COL11A1: variants seen among roughly 807,000 people sequenced by gnomAD.
The protein encoded by COL11A1 is collagen alpha-1(XI) chain.
COL11A1 carries 74 observed loss-of-function variants against 265.2 expected under a neutral mutation model. The observed-to-expected ratio is 0.28, with a 90% CI of 0.23 to 0.34. COL11A1 has a LOEUF of 0.34. Among genes scored for constraint, COL11A1 ranks in the 10% least tolerant of loss-of-function variants. The pLI is 1.00. For synonymous variants in COL11A1, 816 were observed against 727.6 expected (o/e 1.12, Z -1.96); for missense variants, 2,165 against 2,263.6 (o/e 0.96, Z 0.88).
At chr1:102,986,175 C>T (rs1015931258) in intron 30 of COL11A1, among the ~76,000 whole-genome samples, 1 of 151,844 alleles carries the variant, frequency 6.6e-6, no homozygotes, top group African/African-American at 2.4e-5. Context: ...AAATGTTCAA[C>T]AATGATAGAC....
intron 5 of COL11A1, among the ~76,000 whole-genome samples, chr1:103,027,264 T>C (rs1667593473): frequency 1.3e-5 from 2 of 150,476 alleles, no homozygotes; most frequent in South Asian, 2.1e-4. Context: ...AATATCTTTA[T>C]AAAAATTTTA....
At chr1:103,059,658 C>A (rs1670509191) in intron 4 of COL11A1, among the ~76,000 whole-genome samples, 1 of 151,826 alleles carries the variant, frequency 6.6e-6, no homozygotes, top group Non-Finnish European at 1.5e-5. Flanking sequence ...CTAATGTAAG[C>A]AGAAAGATGA....
At chr1:102,928,623 C>T (rs192711047) in intron 46 of COL11A1, among the ~76,000 whole-genome samples, 6 of 151,950 alleles carry the variant, frequency 3.9e-5, no homozygotes, top group African/African-American at 1.2e-4. Context: ...AATGGGATAG[C>T]TGGGTCAAAT....
intron 18 of COL11A1, among the ~76,000 whole-genome samples, chr1:103,005,581 G>C (rs1187037578): frequency 6.6e-6 from 1 of 152,088 alleles, no homozygotes; most frequent in East Asian, 1.9e-4. Context: ...ATATTTTCCA[G>C]GTAAATGTAT....
intron 24 of COL11A1, chr1:103,000,933 C>T: frequency 2.7e-6 from 1 of 374,802 alleles, no homozygotes. Context: ...AAATAAGGAG[C>T]AAAGTACTAA....
intron 35 of COL11A1, among the ~76,000 whole-genome samples, chr1:102,976,289 C>CTCTTTTT (rs1662463356): frequency 1.7e-5 from 1 of 58,578 alleles, no homozygotes; most frequent in Non-Finnish European, 3.2e-5. Context: ...AAAACGTTGG[C>CTCTTTTT]TTTTTTTTTT....
chr1:103,095,596 A>C (rs917210497), intron 1 of COL11A1, among the ~76,000 whole-genome samples: 3 of 152,044 alleles, frequency 2.0e-5, no homozygotes, highest in Admixed American at 2.0e-4. Context: ...AAAGAAATGC[A>C]AGGAGACAAA....
chr1:102,929,613 T>C (rs1484170652), intron 46 of COL11A1, among the ~76,000 whole-genome samples: 2 of 152,118 alleles, frequency 1.3e-5, no homozygotes, highest in African/African-American at 4.8e-5. Context: ...AAGTAGTTTT[T>C]TCCAATTCTG....
intron 41 of COL11A1, among the ~76,000 whole-genome samples, chr1:102,960,781 T>C (rs1282173194): frequency 6.6e-6 from 1 of 151,872 alleles, no homozygotes; most frequent in Non-Finnish European, 1.5e-5. Flanking sequence ...GGTTGAACTA[T>C]GAAGATGACT....
chr1:103,071,128 A>G (rs1436358454), intron 4 of COL11A1, among the ~76,000 whole-genome samples: 1 of 152,108 alleles, frequency 6.6e-6, no homozygotes, highest in African/African-American at 2.4e-5. Flanking sequence ...AAGCTTTTCT[A>G]CTCAAATAGC....
At chr1:102,979,624 G>A in intron 31 of COL11A1, 189 bp from the exon 32 acceptor site, 1 of 683,516 alleles carries the variant, frequency 1.5e-6, no homozygotes, top group Non-Finnish European at 2.7e-6. Flanking sequence ...TGGAAGCATT[G>A]AAAGCACAAA....
In COL11A1 at chr1:102,997,089, C is replaced by A; in HGVS notation, c.2232G>T (p.Lys744Asn). The change falls in exon 26 of 67, where the codon AAG becomes AAT. Residue 744 changes from lysine to asparagine, a missense_variant. Transcript: ENST00000370096. Reference sequence around the variant, plus strand: ...ATACTTTGGAACCTACCAGAGCCCCCTTTTCTCCAGACTGGCCTTCTTTCC... The same window carrying A: ...ATACTTTGGAACCTACCAGAGCCCCATTTTCTCCAGACTGGCCTTCTTTCC... ...HPGKEGQSGEKGALGPPGPQG... is the reference protein window; with the variant it reads ...HPGKEGQSGENGALGPPGPQG... 1 of 1,611,958 alleles carries A rather than the reference C, an allele frequency of 6.2e-7. No homozygotes were observed. The highest frequency in any genetic ancestry group is 8.5e-7 in the Non-Finnish European group (1 of 1,178,426).
intron 1 of COL11A1, among the ~76,000 whole-genome samples, chr1:103,102,913 A>G (rs919109799): frequency 6.6e-6 from 1 of 152,000 alleles, no homozygotes; most frequent in Non-Finnish European, 1.5e-5. Flanking sequence ...TTTGAGATAG[A>G]AAATCAAAAT....
chr1:103,099,409 A>T (rs1185143813), intron 1 of COL11A1, among the ~76,000 whole-genome samples: 1 of 150,728 alleles, frequency 6.6e-6, no homozygotes, highest in Non-Finnish European at 1.5e-5. Flanking sequence ...AACATAAAGC[A>T]CTTTATTTAT....
At position 102,997,056 on chromosome 1, in the gene COL11A1, T is replaced by C. The variant is rs774085494; in HGVS notation, c.2241+24A>G. On this transcript the variant is annotated intron_variant, in intron 26 of 66. Coordinates refer to ENST00000370096, the MANE Select transcript of COL11A1 (RefSeq NM_001854.4). ...TCTTGGAAATTTATTAATAGGACAT[T>C]TAAATGGATACTTTGGAACCTACCA... is the stretch of plus-strand genomic sequence containing the variant. 5.4e-5 allele frequency: 86 copies of C among 1,604,516 alleles called. No individual in the cohort carries two copies. In the Admixed American group the frequency reaches 1.4e-3, roughly 26 times the overall value.
intron 57 of COL11A1, among the ~76,000 whole-genome samples, chr1:102,894,956 T>A (rs2100896471): frequency 6.6e-6 from 1 of 152,260 alleles, no homozygotes; most frequent in South Asian, 2.1e-4. Flanking sequence ...GTGCTATTTG[T>A]CAATCTTCAG....
chr1:102,925,813 C>G (rs912233370), intron 46 of COL11A1, among the ~76,000 whole-genome samples: 2 of 151,978 alleles, frequency 1.3e-5, no homozygotes, highest in Non-Finnish European at 2.9e-5. Flanking sequence ...ACTTTAACAC[C>G]ATTTTCTTAA....
intron 35 of COL11A1, among the ~76,000 whole-genome samples, chr1:102,976,743 T>A (rs1016011890): frequency 3.3e-5 from 5 of 152,132 alleles, no homozygotes; most frequent in South Asian, 2.1e-4. Context: ...AAATAATGAA[T>A]AATTTTAATA....
chr1:103,054,952 G>C (rs1030537886), intron 4 of COL11A1, among the ~76,000 whole-genome samples: 2 of 151,966 alleles, frequency 1.3e-5, no homozygotes, highest in African/African-American at 4.8e-5. Context: ...ACTCAATACT[G>C]CAACACACAG....
Sources: allele counts gnomAD v4.1 joint callset (sites outside exome capture counted in the v4.1 genomes callset), GRCh38; gene constraint gnomAD v4.1.1; transcripts MANE v1.5; gene names NCBI Gene and HGNC (gene_info 2026-07-23, HGNC 2026-07-21).